PSD3: variants seen among roughly 807,000 people sequenced by gnomAD.
PSD3 encodes the protein pleckstrin and Sec7 domain containing 3.
A neutral mutation model predicts 105.5 loss-of-function variants in PSD3; 49 were observed. The observed-to-expected ratio is 0.46, with a 90% CI of 0.37 to 0.59. The LOEUF (loss-of-function observed/expected upper bound fraction) is 0.59, where lower values mean the gene tolerates loss of function less well. Ranked by LOEUF, PSD3 falls within the 20% of genes least tolerant of loss-of-function variation. The probability of loss-of-function intolerance (pLI) is 0.00; values close to 1 mark genes in which losing one functional copy is unlikely to be tolerated. For missense variants in PSD3, 1,561 were observed against 1,263.8 expected, an observed-to-expected ratio of 1.24 and a Z score of -3.57; for synonymous variants, 557 against 457.8, an observed-to-expected ratio of 1.22 and a Z score of -2.77.
chr8:18,997,937 A>C (rs1826166436), intron 1 of PSD3, among the ~76,000 whole-genome samples: 1 of 152,028 alleles, frequency 6.6e-6, no homozygotes. Flanking sequence ...GCACATGCAG[A>C]CACAACTCAT....
chr8:18,682,101 T>A (rs2130954837), intron 9 of PSD3, among the ~76,000 whole-genome samples: 1 of 152,100 alleles, frequency 6.6e-6, no homozygotes, highest in East Asian at 1.9e-4. Context: ...CAGTAGAGAA[T>A]CTTTTCATGT....
chr8:18,616,781 G>A (rs868143897), intron 11 of PSD3, among the ~76,000 whole-genome samples: 31 of 150,938 alleles, frequency 2.1e-4, no homozygotes, highest in African/African-American at 7.3e-4. Flanking sequence ...CCGCCACCAC[G>A]CCCGGCTCAT....
At chr8:18,949,275 ATATT>A (rs1244490501) in intron 1 of PSD3, among the ~76,000 whole-genome samples, 6 of 116,412 alleles carry the variant, frequency 5.2e-5, no homozygotes, top group South Asian at 2.9e-4. Context: ...ATATATATAT[ATATT>A]TATAGTTTTC....
chr8:18,753,331 G>C (rs183474228), intron 9 of PSD3, among the ~76,000 whole-genome samples: 5 of 151,534 alleles, frequency 3.3e-5, no homozygotes, highest in Middle Eastern at 3.4e-3. Flanking sequence ...TCCAGCCTAG[G>C]GGACAGAGCG....
In PSD3 at chr8:18,829,407, A is replaced by G. The variant is rs543800437; in HGVS notation, c.1635-24509T>C. Among the ~76,000 whole-genome samples, 34 of 152,302 alleles carry G rather than the reference A, an allele frequency of 2.2e-4. No homozygotes were observed. The East Asian group carries it at 6.5e-3, about 29-fold the overall frequency. On this transcript the variant is annotated intron_variant, in intron 4 of 15. Coordinates refer to ENST00000327040, the MANE Select transcript of PSD3 (RefSeq NM_015310.4). ...TCTTGAGATACATCCAAATTCTTCC[A>G]TAGTTCCCCAGCAATTAGAATGGAT...
At chr8:18,857,578 A>G (rs1052707191) in intron 4 of PSD3, among the ~76,000 whole-genome samples, 1 of 152,226 alleles carries the variant, frequency 6.6e-6, no homozygotes, top group South Asian at 2.1e-4. Flanking sequence ...TATGATTCTA[A>G]TGAGCAATCA....
chr8:18,700,782 T>C (rs1206894761), intron 9 of PSD3, among the ~76,000 whole-genome samples: 1 of 151,874 alleles, frequency 6.6e-6, no homozygotes, highest in Non-Finnish European at 1.5e-5. Flanking sequence ...AACAGTAGAG[T>C]AGAAAGGATG....
chr8:18,572,603 T>C lies in PSD3; in HGVS notation c.2709A>G (p.Pro903=). ...TCTGAGAGCCGATTGCTGCTGGAAATGGTGGTGCAGAAAATACAGCTGCCA... is the reference window on the plus strand; with the variant it reads ...TCTGAGAGCCGATTGCTGCTGGAAACGGTGGTGCAGAAAATACAGCTGCCA... ...NCVAAVFSAP[P]FPAAIGSQKK... is the part of the protein sequence containing the mutation. The change falls in exon 14 of 16, where the codon CCA becomes CCG. Residue 903 remains proline, a synonymous_variant. Coordinates refer to ENST00000327040, the MANE Select transcript of PSD3 (RefSeq NM_015310.4). 1 of 1,614,122 alleles carries C rather than the reference T, an allele frequency of 6.2e-7. No homozygotes were observed. The highest frequency in any genetic ancestry group is 8.5e-7 in the Non-Finnish European group (1 of 1,179,968).
At chr8:19,069,486 T>C (rs577382187) in intron 1 of PSD3, among the ~76,000 whole-genome samples, 1 of 152,382 alleles carries the variant, frequency 6.6e-6, no homozygotes, top group East Asian at 1.9e-4. Flanking sequence ...TTGCAGATTA[T>C]GCACCCATTA....
intron 1 of PSD3, among the ~76,000 whole-genome samples, chr8:19,025,185 A>T (rs1827504574): frequency 1.4e-5 from 2 of 138,002 alleles, no homozygotes; most frequent in South Asian, 4.8e-4. Context: ...ATCTCATTAC[A>T]CACTCATTAA....
At chr8:18,543,306 T>C (rs1210238488) in intron 15 of PSD3, among the ~76,000 whole-genome samples, 1 of 152,064 alleles carries the variant, frequency 6.6e-6, no homozygotes, top group Non-Finnish European at 1.5e-5. Flanking sequence ...TGATCTTCGA[T>C]TATCTGTAAA....
At chr8:18,990,428 G>T (rs1190758192) in intron 1 of PSD3, among the ~76,000 whole-genome samples, 1 of 152,166 alleles carries the variant, frequency 6.6e-6, no homozygotes, top group Admixed American at 6.5e-5. Context: ...TCTGCCCATG[G>T]CCATTGTGCT....
At chr8:18,541,041 T>C (rs927718092) in intron 15 of PSD3, among the ~76,000 whole-genome samples, 1 of 151,558 alleles carries the variant, frequency 6.6e-6, no homozygotes, top group East Asian at 1.9e-4. Flanking sequence ...CACTTTAACA[T>C]CACTTTGACA....
Position 19,003,376 on chromosome 8 carries a change from C to T in PSD3, c.21+10187G>A, listed in dbSNP as rs375099524. On this transcript the variant is annotated intron_variant, in intron 1 of 15. Coordinates refer to ENST00000327040, the MANE Select transcript of PSD3 (RefSeq NM_015310.4). ...CAGCCTGGGCAACTGAGCAAGACCC[C>T]GTCTTTAAAAAACAAAAATAAAGAG... Among the ~76,000 whole-genome samples, 24 of 151,758 alleles carry T rather than the reference C, an allele frequency of 1.6e-4. 1 individual carries two copies. Among genetic ancestry groups the T allele is most frequent in the African/African-American group, 5.8e-4 (24 of 41,340 alleles).
chr8:18,877,846 C>A (rs975486366), intron 2 of PSD3, among the ~76,000 whole-genome samples: 1 of 152,138 alleles, frequency 6.6e-6, no homozygotes, highest in South Asian at 2.1e-4. Flanking sequence ...TGGCTAGATG[C>A]CTATCTTTAT....
intron 1 of PSD3, among the ~76,000 whole-genome samples, chr8:19,053,992 C>G (rs886595674): frequency 2.0e-5 from 3 of 152,212 alleles, no homozygotes; most frequent in Non-Finnish European, 4.4e-5. Flanking sequence ...AAAGAGGACT[C>G]CTTGAGCTTA....
chr8:19,023,477 G>A (rs1827431353), intron 1 of PSD3, among the ~76,000 whole-genome samples: 1 of 151,860 alleles, frequency 6.6e-6, no homozygotes, highest in Admixed American at 6.6e-5. Context: ...CACCCAGGCT[G>A]TAGGGCTGTG....
At chr8:18,724,871 T>G (rs1409070861) in intron 9 of PSD3, among the ~76,000 whole-genome samples, 1 of 151,996 alleles carries the variant, frequency 6.6e-6, no homozygotes, top group Non-Finnish European at 1.5e-5. Flanking sequence ...AAATATGTGG[T>G]CAAAGAACAA....
At chr8:18,876,210 G>A (rs972406365) in intron 2 of PSD3, among the ~76,000 whole-genome samples, 8 of 152,170 alleles carry the variant, frequency 5.3e-5, no homozygotes, top group South Asian at 4.1e-4. Context: ...ACAGGTATGC[G>A]CCACTGAGCC....
Sources: allele counts gnomAD v4.1 joint callset (sites outside exome capture counted in the v4.1 genomes callset), GRCh38; gene constraint gnomAD v4.1.1; transcripts MANE v1.5; gene names NCBI Gene and HGNC (gene_info 2026-07-23, HGNC 2026-07-21).